PTPRT: variants seen among roughly 807,000 people sequenced by gnomAD.
PTPRT encodes the protein protein tyrosine phosphatase receptor type T.
PTPRT carries 56 observed loss-of-function variants against 176.8 expected under a neutral mutation model. The ratio of observed to expected loss-of-function variants is 0.32; its 90% CI spans 0.26 to 0.40. PTPRT has a LOEUF of 0.40. Among genes scored for constraint, PTPRT ranks in the 10% least tolerant of loss-of-function variants. The pLI is 1.00. For missense variants in PTPRT, 1,540 were observed against 1,908.2 expected (o/e 0.81, Z 3.60); for synonymous variants, 783 against 739.0 (o/e 1.06, Z -0.96).
chr20:42,969,109 T>C (rs1470177671), intron 1 of PTPRT: 1 of 152,224 alleles, frequency 6.6e-6, no homozygotes, highest in Non-Finnish European at 1.5e-5. Flanking sequence ...TTGTCGTTAA[T>C]GGGGTGTCAC....
intron 7 of PTPRT, among the ~76,000 whole-genome samples, chr20:42,521,238 C>A (rs1307850382): frequency 1.3e-5 from 2 of 152,026 alleles, no homozygotes; most frequent in Non-Finnish European, 2.9e-5. Flanking sequence ...AGATAAAATA[C>A]CCCTTAAGCT....
At chr20:42,405,354 C>G (rs1008025750) in intron 9 of PTPRT, among the ~76,000 whole-genome samples, 2 of 152,076 alleles carry the variant, frequency 1.3e-5, no homozygotes, top group Non-Finnish European at 2.9e-5. Context: ...TTCCCCACCC[C>G]ACAACAGGCC....
intron 2 of PTPRT, among the ~76,000 whole-genome samples, chr20:42,799,398 T>G (rs1361501853): frequency 6.6e-6 from 1 of 152,194 alleles, no homozygotes; most frequent in Non-Finnish European, 1.5e-5. Flanking sequence ...CCCAGCATAC[T>G]TCTTCTGGTC....
chr20:42,248,436 C>T (rs564210869), intron 14 of PTPRT, among the ~76,000 whole-genome samples: 11 of 152,268 alleles, frequency 7.2e-5, no homozygotes, highest in Non-Finnish European at 1.2e-4. Flanking sequence ...TGGCACATCG[C>T]GGTGGCCCAG....
chr20:42,377,490 TG>T (rs1424007971), intron 9 of PTPRT, among the ~76,000 whole-genome samples: 1 of 152,220 alleles, frequency 6.6e-6, no homozygotes, highest in African/African-American at 2.4e-5. Flanking sequence ...TTCAGTAGAT[TG>T]GGCTGGGGCC....
intron 2 of PTPRT, among the ~76,000 whole-genome samples, chr20:42,797,379 A>T (rs1164352579): frequency 2.0e-5 from 3 of 152,218 alleles, no homozygotes; most frequent in African/African-American, 7.2e-5. Flanking sequence ...TTTCTGAGAT[A>T]CAAAGCCAAC....
intron 13 of PTPRT, among the ~76,000 whole-genome samples, chr20:42,256,072 C>T (rs2056633421): frequency 6.6e-6 from 1 of 152,154 alleles, no homozygotes; most frequent in South Asian, 2.1e-4. Context: ...CTTTGAAACC[C>T]TGACTCTAAG....
intron 14 of PTPRT, among the ~76,000 whole-genome samples, chr20:42,241,102 T>A (rs2059296726): frequency 6.6e-6 from 1 of 152,188 alleles, no homozygotes. Flanking sequence ...ATGGCAGGGA[T>A]TTGAATCCAG....
At chr20:42,188,376 G>A (rs985739072) in intron 16 of PTPRT, among the ~76,000 whole-genome samples, 4 of 152,050 alleles carry the variant, frequency 2.6e-5, no homozygotes, top group Non-Finnish European at 2.9e-5. Flanking sequence ...GAGGGGCTGC[G>A]TGATAGGTCC....
intron 7 of PTPRT, among the ~76,000 whole-genome samples, chr20:42,583,017 C>G (rs2073404348): frequency 6.6e-6 from 1 of 152,188 alleles, no homozygotes; most frequent in Non-Finnish European, 1.5e-5. Flanking sequence ...CTCATCTCTA[C>G]AGCTCCAGGG....
In PTPRT at chr20:42,200,041, C is replaced by G. The variant is rs1016007474; in HGVS notation, c.2343-653G>C. Among the ~76,000 whole-genome samples the G allele has an allele frequency of 1.3e-4, 19 of 143,166 alleles. 1 individual carries two copies. Among genetic ancestry groups the G allele is most frequent in the African/African-American group, 5.1e-4 (19 of 37,510 alleles). The allele number at this position is 143,166 out of a possible 152,430, so 93.9% of individuals were successfully genotyped here. The stretch of plus-strand genomic sequence containing the variant: ...CAAACTTTGGTGTAAATTTGAATCA[C>G]CTGAAGAGTCACAAAAAAATACACA... On this transcript the variant is annotated intron_variant, in intron 15 of 30. Transcript: ENST00000373187.
rs2078438994 is a variant in PTPRT at position 42,849,863 on chromosome 20, C to T, written c.214+35944G>A. On this transcript the variant is annotated intron_variant, in intron 2 of 30. Transcript: ENST00000373187. ...CCAGGTCTCCAGATGCCTATGTCTA[C>T]CCCTTTAAATCTCAGACTTAGAGGA... 2.0e-5 allele frequency among the ~76,000 whole-genome samples: 3 copies of T among 152,174 alleles called. No individual in the cohort carries two copies. The South Asian group carries it at 6.2e-4, about 32-fold the overall frequency.
At chr20:43,133,369 A>AC (rs2013706785) in intron 1 of PTPRT, among the ~76,000 whole-genome samples, 1 of 152,242 alleles carries the variant, frequency 6.6e-6, no homozygotes, top group South Asian at 2.1e-4. Flanking sequence ...GCTAAGAAAG[A>AC]CAAAAGGGAT....
At chr20:42,531,426 T>C (rs1365134246) in intron 7 of PTPRT, among the ~76,000 whole-genome samples, 2 of 152,232 alleles carry the variant, frequency 1.3e-5, no homozygotes, top group Non-Finnish European at 2.9e-5. Flanking sequence ...TTATTAATTA[T>C]CATTTTTACT....
intron 7 of PTPRT, among the ~76,000 whole-genome samples, chr20:42,569,868 G>A (rs780421424): frequency 1.8e-4 from 27 of 152,090 alleles, no homozygotes; most frequent in Non-Finnish European, 3.7e-4. Context: ...TTATTTATTT[G>A]TGTATTCATG....
intron 1 of PTPRT, among the ~76,000 whole-genome samples, chr20:43,112,554 A>C (rs2012907244): frequency 6.6e-6 from 1 of 152,250 alleles, no homozygotes; most frequent in South Asian, 2.1e-4. Context: ...ATGGAGTGAA[A>C]AGAAAGGAAG....
At chr20:42,608,694 G>A (rs2073924420) in intron 7 of PTPRT, among the ~76,000 whole-genome samples, 1 of 152,172 alleles carries the variant, frequency 6.6e-6, no homozygotes, top group African/African-American at 2.4e-5. Context: ...GGGCTGGATG[G>A]CTGAAGGTCA....
At chr20:42,453,021 G>A (rs1165895039) in intron 8 of PTPRT, among the ~76,000 whole-genome samples, 2 of 152,088 alleles carry the variant, frequency 1.3e-5, no homozygotes, top group African/African-American at 4.8e-5. Context: ...TTGGCTTTCT[G>A]TTCTATTTCA....
intron 4 of PTPRT, among the ~76,000 whole-genome samples, chr20:42,773,319 T>C (rs183582984): frequency 1.3e-4 from 20 of 152,266 alleles, no homozygotes; most frequent in Admixed American, 3.9e-4. Context: ...CAGCGTGGAA[T>C]TGGTGCTTGA....
Sources: gnomAD v4.1 joint callset for allele counts (sites outside exome capture counted in the v4.1 genomes callset) on GRCh38, gnomAD v4.1.1 for gene constraint, MANE v1.5 for transcripts, NCBI Gene and HGNC (gene_info 2026-07-23, HGNC 2026-07-21) for gene names.